SLC8A2: variants seen among roughly 807,000 people sequenced by gnomAD.
SLC8A2 encodes sodium/calcium exchanger 2.
In SLC8A2, 14 loss-of-function variants were observed where a neutral mutation model predicts 70.2. The observed-to-expected ratio is 0.20, with a 90% CI of 0.13 to 0.31. The LOEUF is 0.31. Ranked by LOEUF, SLC8A2 falls within the 10% of genes least tolerant of loss-of-function variation. The pLI is 1.00. For missense variants in SLC8A2, 779 were observed against 1,320.1 expected (o/e 0.59, Z 6.35); for synonymous variants, 575 against 594.3 (o/e 0.97, Z 0.47).
Position 47,447,811 on chromosome 19 carries a change from G to T in SLC8A2, c.1761C>A (p.Thr587=), listed in dbSNP as rs1310151364. ...CGGGCCGCCTCGGGCGTGCTCACAT[G>T]GTCTCGTCGTCGCCAAACTCCAGCT... ...CGELEFGDDE[T]MKTLQVKIVD... Residue 587 remains threonine, a splice_region_variant and synonymous_variant, in exon 4 of 10, where the codon ACC becomes ACA. Transcript: ENST00000236877. This position sits in a 1 kb window ranked among gnomAD's most constrained non-coding sequence, Gnocchi z 5.1. 6.3e-7 allele frequency: 1 copy of T among 1,587,134 alleles called. No individual in the cohort carries two copies. Among genetic ancestry groups the T allele is most frequent in the South Asian group, 1.1e-5 (1 of 89,184 alleles).
At chr19:47,437,127 C>T (rs941084972) in intron 8 of SLC8A2, among the ~76,000 whole-genome samples, 15 of 152,248 alleles carry the variant, frequency 9.9e-5, no homozygotes, top group African/African-American at 3.4e-4. Context: ...CAGTTTGCAC[C>T]GTTCATTCTG....
At position 47,456,918 on chromosome 19, in the gene SLC8A2, C is replaced by T. The variant is rs765451961; in HGVS notation, c.1340+12G>A. 85 of 1,579,006 alleles carry T rather than the reference C, an allele frequency of 5.4e-5. No individual in the cohort carries two copies. The highest frequency in any genetic ancestry group is 6.4e-5 in the Non-Finnish European group (75 of 1,163,786). Reference sequence around the variant, plus strand: ...CCAGCCCCCTGCACACCCCCCACCCCGGGGGACCCACCTGTACTCGTAGTC... The same window carrying T: ...CCAGCCCCCTGCACACCCCCCACCCTGGGGGACCCACCTGTACTCGTAGTC... On this transcript the variant is annotated intron_variant, in intron 3 of 9. Transcript: ENST00000236877.
chr19:47,465,706 A>C lies in SLC8A2; in HGVS notation c.675+23T>G. 6.3e-7 allele frequency: 1 copy of C among 1,578,588 alleles called. No individual in the cohort carries two copies. The highest frequency in any genetic ancestry group is 2.3e-5 in the East Asian group (1 of 44,238). On this transcript the variant is annotated intron_variant, in intron 2 of 9. Coordinates refer to ENST00000236877, the MANE Select transcript of SLC8A2 (RefSeq NM_015063.3). The surrounding 1 kb of genome is among the most constrained non-coding windows in gnomAD (Gnocchi z 5.5). ...TTTGCAGACACACATGCACCAAGAAAGCATCTATGCGTCTTTGCTCACCTG... is the reference window on the plus strand; with the variant it reads ...TTTGCAGACACACATGCACCAAGAACGCATCTATGCGTCTTTGCTCACCTG...
chr19:47,467,331 T>C (rs563718545), intron 1 of SLC8A2, among the ~76,000 whole-genome samples: 1 of 152,314 alleles, frequency 6.6e-6, no homozygotes, highest in South Asian at 2.1e-4. Context: ...CTGAGTTTGT[T>C]AGGAGATTCA....
intron 7 of SLC8A2, 79 bp from the exon 8 acceptor site, chr19:47,437,640 G>A (rs1194053113): frequency 6.3e-6 from 8 of 1,275,356 alleles, no homozygotes; most frequent in Non-Finnish European, 9.1e-6. Context: ...TGGGTCGGGG[G>A]CTCACAGCCT....
intron 7 of SLC8A2, 140 bp from the exon 8 acceptor site, chr19:47,437,701 G>C (rs1967047948): frequency 1.7e-6 from 2 of 1,174,892 alleles, no homozygotes; most frequent in Non-Finnish European, 2.5e-6. Context: ...GGCAAGCAAG[G>C]AAAAGGGAGG....
At chr19:47,464,683 G>A (rs966591573) in intron 2 of SLC8A2, among the ~76,000 whole-genome samples, 2 of 152,304 alleles carry the variant, frequency 1.3e-5, no homozygotes, top group Admixed American at 6.5e-5. Flanking sequence ...GGAAGAAACT[G>A]TAACTGGCAG....
At chr19:47,444,828 C>A (rs938942753) in intron 4 of SLC8A2, among the ~76,000 whole-genome samples, 4 of 152,106 alleles carry the variant, frequency 2.6e-5, no homozygotes, top group African/African-American at 7.2e-5. Context: ...CCCCAGCCTG[C>A]CCCCTTGTTT....
chr19:47,448,651 T>C lies in SLC8A2; in HGVS notation c.1341-420A>G, dbSNP rs1160612422. ...CCTGCTTCTCAAACCTTAATATGCA[T>C]ATGAATCCCCTGGTGGAGCTTGTGA... On this transcript the variant is annotated intron_variant, in intron 3 of 9. Transcript: ENST00000236877. The surrounding 1 kb of genome is among the most constrained non-coding windows in gnomAD (Gnocchi z 4.8). Among the ~76,000 whole-genome samples, 2 of 152,152 alleles carry C rather than the reference T, an allele frequency of 1.3e-5. No homozygotes were observed. Among genetic ancestry groups the C allele is most frequent in the African/African-American group, 2.4e-5 (1 of 41,426 alleles).
intron 2 of SLC8A2, among the ~76,000 whole-genome samples, chr19:47,459,701 CTGT>C (rs1272992841): frequency 5.7e-5 from 6 of 105,026 alleles, no homozygotes; most frequent in Non-Finnish European, 1.3e-4. Context: ...GTGTGTCCTT[CTGT>C]GTGTGCGCGC....
chr19:47,450,043 G>T (rs1289045531), intron 3 of SLC8A2, among the ~76,000 whole-genome samples: 1 of 152,188 alleles, frequency 6.6e-6, no homozygotes, highest in Non-Finnish European at 1.5e-5. Context: ...GTGAAATTCT[G>T]AGGGGTCATG....
Position 47,457,086 on chromosome 19 carries a change from C to T in SLC8A2, c.1184G>A (p.Arg395His). 4 of 1,571,510 alleles carry T rather than the reference C, an allele frequency of 2.5e-6. No homozygotes were observed. Among genetic ancestry groups the T allele is most frequent in the Non-Finnish European group, 2.6e-6 (3 of 1,159,202 alleles). The change falls in exon 3 of 10, where the codon CGC becomes CAC. Residue 395 changes from arginine to histidine, a missense_variant. This residue lies in a region of SLC8A2 where 186 missense variants were observed against 246.6 expected (regional missense o/e 0.75). Transcript: ENST00000236877. ...GTAGAGGCTAGGCTCGAAGAAGATG[C>T]GGCTGGCGCCGTCGTCTTCGTCCTC... ...AGEDEDDGAS[R>H]IFFEPSLYHC...
In SLC8A2 at chr19:47,429,250, C is replaced by T. The variant is rs1171891035; in HGVS notation, c.*839G>A. 1 of 152,616 alleles carries T rather than the reference C, an allele frequency of 6.6e-6. No individual in the cohort carries two copies. Among genetic ancestry groups the T allele is most frequent in the African/African-American group, 2.4e-5 (1 of 41,386 alleles). 9.5% of individuals were successfully genotyped at this position (152,616 alleles called of 1,614,324 possible). A position where few individuals can be genotyped will look rare whatever the true frequency, so the allele number is the denominator to read the frequency against. On this transcript the variant is annotated 3_prime_UTR_variant, in exon 10 of 10. Coordinates refer to ENST00000236877, the MANE Select transcript of SLC8A2 (RefSeq NM_015063.3). ...GCCCTCTCAAAAGTTGTCTGTCACC[C>T]CCTTTTCCCAAGACATGCACCCTCC... is the stretch of plus-strand genomic sequence containing the variant.
intron 3 of SLC8A2, among the ~76,000 whole-genome samples, chr19:47,456,493 A>G (rs560231759): frequency 3.3e-5 from 5 of 152,258 alleles, no homozygotes; most frequent in African/African-American, 1.2e-4. Flanking sequence ...GTGAAACCCC[A>G]TCTCTCTACT....
In SLC8A2 at chr19:47,448,333, G is replaced by T; in HGVS notation, c.1341-102C>A. On this transcript the variant is annotated intron_variant, in intron 3 of 9. Coordinates refer to ENST00000236877, the MANE Select transcript of SLC8A2 (RefSeq NM_015063.3). The surrounding 1 kb of genome is among the most constrained non-coding windows in gnomAD (Gnocchi z 4.8). The stretch of plus-strand genomic sequence containing the variant: ...CGTGCTTCCCAGAGGAGACGTAGGT[G>T]CCATAGAAGAACTCCCAAGTATGAG... The T allele has an allele frequency of 1.2e-6, 1 of 853,164 alleles. No homozygotes were observed. The highest frequency in any genetic ancestry group is 1.8e-6 in the Non-Finnish European group (1 of 556,458). 52.8% of individuals were successfully genotyped at this position (853,164 alleles called of 1,614,324 possible).
chr19:47,440,212 C>T (rs1181935474), intron 6 of SLC8A2, among the ~76,000 whole-genome samples: 1 of 152,130 alleles, frequency 6.6e-6, no homozygotes, highest in East Asian at 1.9e-4. Context: ...TATTACTCAC[C>T]TCAAAGTCCA....
intron 8 of SLC8A2, among the ~76,000 whole-genome samples, chr19:47,437,083 C>A (rs1967038690): frequency 6.6e-6 from 1 of 152,178 alleles, no homozygotes; most frequent in African/African-American, 2.4e-5. Context: ...TCTGTATCCT[C>A]ATCTACCTGC....
chr19:47,438,126 C>T (rs1051113967), intron 6 of SLC8A2, among the ~76,000 whole-genome samples, 153 bp from the exon 7 acceptor site: 13 of 152,152 alleles, frequency 8.5e-5, no homozygotes, highest in African/African-American at 1.7e-4. Context: ...ACCTGACCAC[C>T]GTCTCCTTCA....
At position 47,437,931 on chromosome 19, in the gene SLC8A2, C is replaced by T. The variant is rs749455014; in HGVS notation, c.1928G>A (p.Arg643Gln). The T allele has an allele frequency of 1.8e-5, 29 of 1,614,128 alleles. No homozygotes were observed. The East Asian group carries it at 2.0e-4, about 11-fold the overall frequency. Residue 643 changes from arginine to glutamine, a missense_variant, in exon 7 of 10, where the codon CGG becomes CAG. Physicochemically the swap from Arg to Gln is conservative, Grantham distance 43. Transcript: ENST00000236877. ...RKLTAEEEEA[R>Q]RIAEMGKPVL... ...TGGCTTGCCCATCTCTGCTATCCTC[C>T]GAGCCTCCTCCTCCTCGGCTGTTAG...
Sources: allele counts gnomAD v4.1 joint callset (sites outside exome capture counted in the v4.1 genomes callset), GRCh38; gene constraint gnomAD v4.1.1; regional missense constraint gnomAD v4.1.1; non-coding constraint Gnocchi (gnomAD v3.1); transcripts MANE v1.5; gene names NCBI Gene and HGNC (gene_info 2026-07-23, HGNC 2026-07-21).